Variants in TMCO4 observed in about 807,000 individuals in gnomAD.
TMCO4 encodes the protein transmembrane and coiled-coil domain-containing protein 4.
A neutral mutation model predicts 64.7 loss-of-function variants in TMCO4; 58 were observed. That is an observed-to-expected ratio of 0.90 (90% CI 0.73 to 1.12). TMCO4 has a LOEUF of 1.12. Among genes scored for constraint, TMCO4 ranks in the 50% most tolerant of loss-of-function variants. The pLI is 0.00. For missense variants in TMCO4, 780 were observed against 825.9 expected (o/e 0.94, Z 0.68); for synonymous variants, 325 against 346.1 (o/e 0.94, Z 0.68).
intron 13 of TMCO4, among the ~76,000 whole-genome samples, chr1:19,716,652 G>A (rs913328272): frequency 6.6e-6 from 1 of 152,090 alleles, no homozygotes; most frequent in African/African-American, 2.4e-5. Context: ...CTTACAAGCT[G>A]TGTGACCATG....
chr1:19,794,906 C>T (rs145619181), intron 2 of TMCO4, among the ~76,000 whole-genome samples: 34 of 152,034 alleles, frequency 2.2e-4, no homozygotes, highest in Middle Eastern at 3.2e-3. Flanking sequence ...AAATGCTGTA[C>T]AATTCCACTT....
At chr1:19,760,012 C>T (rs1047200204) in intron 6 of TMCO4, among the ~76,000 whole-genome samples, 1 of 152,182 alleles carries the variant, frequency 6.6e-6, no homozygotes, top group Admixed American at 6.5e-5. Context: ...TGCCTCCCAC[C>T]TCCACTGAGA....
chr1:19,771,639 T>C (rs547789835), intron 4 of TMCO4, among the ~76,000 whole-genome samples, 157 bp from the exon 5 acceptor site: 3 of 152,266 alleles, frequency 2.0e-5, no homozygotes, highest in Admixed American at 6.5e-5. Flanking sequence ...GACCTCATCT[T>C]GGGTGATGTA....
intron 6 of TMCO4, among the ~76,000 whole-genome samples, chr1:19,769,145 T>C (rs1398705144): frequency 6.6e-6 from 1 of 152,128 alleles, no homozygotes; most frequent in Non-Finnish European, 1.5e-5. Context: ...AAAGGGTCAC[T>C]GGAGACAAAC....
chr1:19,792,580 G>A, intron 2 of TMCO4, among the ~76,000 whole-genome samples: 1 of 152,100 alleles, frequency 6.6e-6, no homozygotes, highest in Non-Finnish European at 1.5e-5. Context: ...TCTAAAGTTA[G>A]CACCAAGGAG....
At chr1:19,778,263 T>C (rs2043302468) in intron 4 of TMCO4, among the ~76,000 whole-genome samples, 2 of 146,394 alleles carry the variant, frequency 1.4e-5, no homozygotes, top group Admixed American at 1.3e-4. Flanking sequence ...TATTTATTTA[T>C]TTATTTATTT....
At chr1:19,691,542 C>A (rs1419419947) in intron 15 of TMCO4, among the ~76,000 whole-genome samples, 1 of 152,170 alleles carries the variant, frequency 6.6e-6, no homozygotes, top group African/African-American at 2.4e-5. Flanking sequence ...CCAGTGTGAG[C>A]CACACTGTGG....
At chr1:19,794,915 TTAAG>T (rs2044229401) in intron 2 of TMCO4, among the ~76,000 whole-genome samples, 1 of 152,086 alleles carries the variant, frequency 6.6e-6, no homozygotes, top group African/African-American at 2.4e-5. Context: ...ACAATTCCAC[TTAAG>T]TAAGGTATGA....
Position 19,780,624 on chromosome 1 carries a change from G to C in TMCO4, c.135C>G (p.Leu45=). Residue 45 remains leucine (L), a synonymous_variant, in exon 4 of 16, where the codon CTC becomes CTG. Transcript: ENST00000294543. ...TEANRFAYAA[L]CGISLSQLFP... ...ATAACTGGGACAGGGAGATGCCACAGAGGGCAGCATAGGCGAAGCGGTTGG... is the reference window on the plus strand; with the variant it reads ...ATAACTGGGACAGGGAGATGCCACACAGGGCAGCATAGGCGAAGCGGTTGG... 1.2e-6 allele frequency: 2 copies of C among 1,613,442 alleles called. No homozygotes were observed. Among genetic ancestry groups the C allele is most frequent in the Non-Finnish European group, 8.5e-7 (1 of 1,179,736 alleles).
At chr1:19,700,578 T>C (rs1316407012) in intron 14 of TMCO4, among the ~76,000 whole-genome samples, 190 bp downstream of exon 14, 1 of 152,194 alleles carries the variant, frequency 6.6e-6, no homozygotes, top group Non-Finnish European at 1.5e-5. Flanking sequence ...ATCATGCTAC[T>C]GGAGGGCCGC....
intron 2 of TMCO4, among the ~76,000 whole-genome samples, chr1:19,794,158 C>T (rs1054801357): frequency 7.2e-5 from 11 of 152,100 alleles, no homozygotes; most frequent in South Asian, 2.1e-4. Context: ...GCCGTTCCCA[C>T]GGCTGGGAAT....
At chr1:19,791,426 AG>A (rs1557632847) in intron 2 of TMCO4, among the ~76,000 whole-genome samples, 1 of 151,966 alleles carries the variant, frequency 6.6e-6, no homozygotes, top group African/African-American at 2.4e-5. Flanking sequence ...GGAATGGGGG[AG>A]CCCATGGTTC....
intron 15 of TMCO4, among the ~76,000 whole-genome samples, chr1:19,686,955 ATT>A (rs60727830): frequency 0.52 from 77,741 of 148,964 alleles, 21,717 homozygotes; most frequent in Non-Finnish European, 0.64. Flanking sequence ...GTTTTTCTTA[ATT>A]TTTTTTTTTT....
At chr1:19,783,014 G>T (rs1244453591) in intron 3 of TMCO4, among the ~76,000 whole-genome samples, 1 of 152,198 alleles carries the variant, frequency 6.6e-6, no homozygotes, top group African/African-American at 2.4e-5. Flanking sequence ...CTGGCACAGG[G>T]TTCATGCTAT....
At chr1:19,721,739 A>C (rs535917376) in intron 13 of TMCO4, among the ~76,000 whole-genome samples, 14 of 152,206 alleles carry the variant, frequency 9.2e-5, no homozygotes, top group Admixed American at 3.9e-4. Context: ...CAGTGAGTTG[A>C]AATTGTGCCA....
intron 2 of TMCO4, among the ~76,000 whole-genome samples, chr1:19,791,790 AGCTCCCG>A (rs1443318929): frequency 6.6e-6 from 1 of 152,212 alleles, no homozygotes; most frequent in East Asian, 1.9e-4. Flanking sequence ...AGGAGCTCCC[AGCTCCCG>A]GTAGCCTCCT....
intron 6 of TMCO4, among the ~76,000 whole-genome samples, chr1:19,762,312 C>T (rs1324699522): frequency 6.6e-6 from 1 of 152,166 alleles, no homozygotes; most frequent in Non-Finnish European, 1.5e-5. Flanking sequence ...AGTTACGTAT[C>T]ACGGGATAAC....
intron 6 of TMCO4, among the ~76,000 whole-genome samples, chr1:19,763,296 G>A (rs1426227568): frequency 2.0e-5 from 3 of 152,074 alleles, no homozygotes; most frequent in East Asian, 1.9e-4. Flanking sequence ...GGCTGGTCTC[G>A]AACTCCTGAC....
At chr1:19,723,523 A>G (rs1340394434) in intron 13 of TMCO4, among the ~76,000 whole-genome samples, 4 of 152,186 alleles carry the variant, frequency 2.6e-5, no homozygotes, top group Non-Finnish European at 4.4e-5. Flanking sequence ...GTCATCATGT[A>G]GCTAAAGTCT....
Sources: allele counts gnomAD v4.1 joint callset (sites outside exome capture counted in the v4.1 genomes callset), GRCh38; gene constraint gnomAD v4.1.1; transcripts MANE v1.5; gene names NCBI Gene and HGNC (gene_info 2026-07-23, HGNC 2026-07-21).